The following CPNE4 variants were observed in gnomAD, a reference collection of about 807,000 sequenced individuals.
The protein encoded by CPNE4 is copine 4, also known as copine-4.
In CPNE4, 25 loss-of-function variants were observed where a neutral mutation model predicts 67.9. The ratio of observed to expected loss-of-function variants is 0.37; its 90% CI spans 0.27 to 0.51. The LOEUF (loss-of-function observed/expected upper bound fraction) is 0.51, where lower values mean the gene tolerates loss of function less well. CPNE4 is among the 20% of genes least tolerant of loss of function. The probability of loss-of-function intolerance (pLI) is 0.93; values close to 1 mark genes in which losing one functional copy is unlikely to be tolerated. For missense variants in CPNE4, 464 were observed against 690.8 expected, an observed-to-expected ratio of 0.67 and a Z score of 3.68; for synonymous variants, 242 against 244.9, an observed-to-expected ratio of 0.99 and a Z score of 0.11.
intron 6 of CPNE4, among the ~76,000 whole-genome samples, chr3:131,670,347 G>C (rs1034011315): frequency 2.6e-5 from 4 of 152,118 alleles, no homozygotes; most frequent in African/African-American, 7.2e-5. Context: ...TCCTGGAAAG[G>C]CGTGACAAAG....
At chr3:131,757,544 TA>T (rs2082781621) in intron 2 of CPNE4, among the ~76,000 whole-genome samples, 1 of 152,106 alleles carries the variant, frequency 6.6e-6, no homozygotes, top group African/African-American at 2.4e-5. Context: ...AAGCACAGCA[TA>T]AAAGTTCAGA....
At chr3:131,770,800 T>C (rs2083147539) in intron 2 of CPNE4, among the ~76,000 whole-genome samples, 1 of 152,192 alleles carries the variant, frequency 6.6e-6, no homozygotes, top group African/African-American at 2.4e-5. Flanking sequence ...CTCCCTGACT[T>C]ACCTATCTCA....
chr3:131,808,327 C>G (rs957456347), intron 2 of CPNE4, among the ~76,000 whole-genome samples: 15 of 152,002 alleles, frequency 9.9e-5, no homozygotes, highest in African/African-American at 3.1e-4. Flanking sequence ...TAACAATTGA[C>G]TGATATTTTA....
At chr3:131,768,703 A>AT (rs2083087103) in intron 2 of CPNE4, among the ~76,000 whole-genome samples, 1 of 151,912 alleles carries the variant, frequency 6.6e-6, no homozygotes, top group African/African-American at 2.4e-5. Flanking sequence ...GTCATGGATG[A>AT]TTTTGCCTTG....
At chr3:132,006,945 G>C (rs1159221612) in intron 1 of CPNE4, among the ~76,000 whole-genome samples, 1 of 152,148 alleles carries the variant, frequency 6.6e-6, no homozygotes, top group Non-Finnish European at 1.5e-5. Flanking sequence ...ATCAGAGTTG[G>C]ATGTAATTCC....
intron 2 of CPNE4, among the ~76,000 whole-genome samples, chr3:131,813,029 T>C (rs1341866832): frequency 1.3e-5 from 2 of 150,888 alleles, no homozygotes; most frequent in Admixed American, 6.6e-5. Flanking sequence ...ATAATCAGCA[T>C]GTTCAACCAC....
intron 2 of CPNE4, among the ~76,000 whole-genome samples, chr3:131,845,073 C>G (rs1427179509): frequency 6.6e-6 from 1 of 152,112 alleles, no homozygotes; most frequent in Non-Finnish European, 1.5e-5. Flanking sequence ...GTGAAATCAC[C>G]TAACAAAGTG....
chr3:131,583,655 C>A (rs1040614570), intron 8 of CPNE4, among the ~76,000 whole-genome samples: 1 of 152,166 alleles, frequency 6.6e-6, no homozygotes, highest in African/African-American at 2.4e-5. Context: ...GAGAGGGCTC[C>A]AAGGAAGTTG....
At chr3:131,720,692 C>T (rs1298662998) in intron 3 of CPNE4, among the ~76,000 whole-genome samples, 1 of 152,158 alleles carries the variant, frequency 6.6e-6, no homozygotes, top group African/African-American at 2.4e-5. Flanking sequence ...TTACACTGCT[C>T]TCAGAATTTC....
rs376568204 is a variant in CPNE4, at chr3:131,665,159, G to A, written c.681+4516C>T. ...GAGGACTGCTTGAGCCCAGGAGTTCGAGACCAGCCTGGGCAACATAGCAAG... is the reference window on the plus strand; with the variant it reads ...GAGGACTGCTTGAGCCCAGGAGTTCAAGACCAGCCTGGGCAACATAGCAAG... On this transcript the variant is annotated intron_variant, in intron 7 of 15. Transcript: ENST00000429747. Among the ~76,000 whole-genome samples the A allele has an allele frequency of 2.6e-4, 40 of 152,124 alleles. 1 individual carries two copies. The highest frequency in any genetic ancestry group is 9.2e-4 in the African/African-American group (38 of 41,502).
chr3:131,925,702 TAA>T (rs1159964874), intron 1 of CPNE4: 1 of 152,222 alleles, frequency 6.6e-6, no homozygotes, highest in Non-Finnish European at 1.5e-5. Context: ...CATACATGTG[TAA>T]ATGCCTCGAA....
At chr3:131,949,248 A>G (rs1053755460) in intron 1 of CPNE4, among the ~76,000 whole-genome samples, 1 of 152,196 alleles carries the variant, frequency 6.6e-6, no homozygotes, top group African/African-American at 2.4e-5. Flanking sequence ...AAAATTATAA[A>G]TCAAGATAAA....
chr3:131,585,722 A>T (rs971107681), intron 8 of CPNE4, among the ~76,000 whole-genome samples: 1 of 152,228 alleles, frequency 6.6e-6, no homozygotes, highest in African/African-American at 2.4e-5. Flanking sequence ...GCTATCATTG[A>T]TTTAGCAGCT....
intron 3 of CPNE4, among the ~76,000 whole-genome samples, chr3:131,711,186 T>C (rs1546313): frequency 0.18 from 26,813 of 152,154 alleles, 2,518 homozygotes; most frequent in African/African-American, 0.23. Flanking sequence ...TACCCTATCA[T>C]TCTCACAATA....
At chr3:132,026,975 A>G (rs2074128249) in intron 1 of CPNE4, among the ~76,000 whole-genome samples, 1 of 152,256 alleles carries the variant, frequency 6.6e-6, no homozygotes, top group Non-Finnish European at 1.5e-5. Flanking sequence ...TTAAGCCCTT[A>G]TCATAACAAA....
At chr3:131,944,307 T>C (rs1019931775) in intron 1 of CPNE4, among the ~76,000 whole-genome samples, 4 of 151,760 alleles carry the variant, frequency 2.6e-5, no homozygotes, top group Admixed American at 2.6e-4. Flanking sequence ...AGCTGACAAA[T>C]GACTTCATGG....
chr3:131,640,538 C>A (rs2079513741), intron 7 of CPNE4, among the ~76,000 whole-genome samples: 1 of 152,110 alleles, frequency 6.6e-6, no homozygotes, highest in African/African-American at 2.4e-5. Context: ...AATGGAAACA[C>A]ATCCAATGCT....
At chr3:131,978,043 T>TGGTGTGTGTGTGCCACATTTTCTTTATC (rs1435085051) in intron 1 of CPNE4, among the ~76,000 whole-genome samples, 1 of 99,870 alleles carries the variant, frequency 1.0e-5, no homozygotes, top group South Asian at 2.8e-4. Context: ...TAGTATTCCA[T>TGGTGTGTGTGTGCCACATTTTCTTTATC]CATAGATATA....
At chr3:131,983,987 T>C (rs2072974959) in intron 1 of CPNE4, among the ~76,000 whole-genome samples, 1 of 152,182 alleles carries the variant, frequency 6.6e-6, no homozygotes, top group South Asian at 2.1e-4. Context: ...TCAGTACTCC[T>C]GCCAAAAGCA....
Sources: gnomAD v4.1 joint callset for allele counts (sites outside exome capture counted in the v4.1 genomes callset) on GRCh38, gnomAD v4.1.1 for gene constraint, MANE v1.5 for transcripts, NCBI Gene and HGNC (gene_info 2026-07-23, HGNC 2026-07-21) for gene names.